The following FBXO40 variants were observed in gnomAD, a reference collection of about 807,000 sequenced individuals.
The protein encoded by FBXO40 is F-box only protein 40.
In FBXO40, 50 loss-of-function variants were observed where a neutral mutation model predicts 49.9. That is an observed-to-expected ratio of 1.00 (90% CI 0.80 to 1.27). The LOEUF (loss-of-function observed/expected upper bound fraction) is 1.27. Ranked by LOEUF, FBXO40 falls within the 50% of genes most tolerant of loss-of-function variation. FBXO40 has a pLI of 0.00. For missense variants in FBXO40, 895 were observed against 870.1 expected (o/e 1.03, Z -0.36); for synonymous variants, 340 against 320.2 (o/e 1.06, Z -0.66).
chr3:121,594,698 T>C (rs2048862865), intron 1 of FBXO40, among the ~76,000 whole-genome samples: 1 of 152,200 alleles, frequency 6.6e-6, no homozygotes, highest in Non-Finnish European at 1.5e-5. Flanking sequence ...GCCAACAATA[T>C]TCTCTAAGTG....
At chr3:121,620,958 C>A (rs2049026580) in intron 2 of FBXO40, among the ~76,000 whole-genome samples, 1 of 152,182 alleles carries the variant, frequency 6.6e-6, no homozygotes, top group Admixed American at 6.5e-5. Flanking sequence ...CCAGCCCGCA[C>A]TCTGGTGGTA....
intron 1 of FBXO40, among the ~76,000 whole-genome samples, chr3:121,615,658 A>C (rs1257274559): frequency 6.6e-6 from 1 of 152,190 alleles, no homozygotes; most frequent in East Asian, 1.9e-4. Flanking sequence ...TGCTCACTAA[A>C]GGTAGCAGCT....
chr3:121,623,150 C>A lies in FBXO40; in HGVS notation c.1721C>A (p.Thr574Asn), dbSNP rs1225905405. Residue 574 changes from threonine to asparagine, a missense_variant, in exon 3 of 4, where the codon ACC becomes AAC. Transcript: ENST00000338040. Reference protein sequence around the residue: ...GHGGKSQNSLTSLPLEILKYI... With the variant: ...GHGGKSQNSLNSLPLEILKYI... The stretch of plus-strand genomic sequence containing the variant: ...GGAGGAAAAAGCCAGAATTCTTTAA[C>A]CAGCCTGCCCCTGGAGATTTTGAAG... 1 of 1,614,084 alleles carries A rather than the reference C, an allele frequency of 6.2e-7. No homozygotes were observed. Among genetic ancestry groups the A allele is most frequent in the Non-Finnish European group, 8.5e-7 (1 of 1,180,044 alleles).
In FBXO40 at chr3:121,621,783, G is replaced by T; in HGVS notation, c.354G>T (p.Glu118Asp). The change falls in exon 3 of 4, where the codon GAG becomes GAT. Residue 118 changes from glutamate (E) to aspartate (D), a missense_variant. Coordinates refer to ENST00000338040, the MANE Select transcript of FBXO40 (RefSeq NM_016298.4). ...CCCTTCATGAAAACATCATGAAAGA[G>T]ACCCCCAGTGAGGAGTGTTTGGACA... is the stretch of plus-strand genomic sequence containing the variant. ...ETTLHENIMK[E>D]TPSEECLDTA... 1 of 1,614,216 alleles carries T rather than the reference G, an allele frequency of 6.2e-7. No homozygotes were observed. Among genetic ancestry groups the T allele is most frequent in the South Asian group, 1.1e-5 (1 of 91,072 alleles).
rs377295452 is a variant in FBXO40, at chr3:121,622,062, C to T, written c.633C>T (p.Asp211=). Residue 211 remains aspartate (D), a synonymous_variant, in exon 3 of 4, where the codon GAC becomes GAT. Transcript: ENST00000338040. The part of the protein sequence containing the change: ...EVLAKTKEGM[D]LVKFGQWENI... ...TAGCCAAAACCAAAGAAGGGATGGA[C>T]CTGGTCAAGTTTGGCCAGTGGGAAA... The T allele has an allele frequency of 6.2e-6, 10 of 1,614,016 alleles. No individual in the cohort carries two copies. The highest frequency in any genetic ancestry group is 8.5e-6 in the Non-Finnish European group (10 of 1,180,026).
rs1221562384 is a variant in FBXO40 at position 121,629,026 on chromosome 3, T to C, written c.*2116T>C. On this transcript the variant is annotated 3_prime_UTR_variant, in exon 4 of 4. Coordinates refer to ENST00000338040, the MANE Select transcript of FBXO40 (RefSeq NM_016298.4). ...TTGTAGGGAAGCAGAGGATAAAGAA[T>C]TTAGCCAACAAAAGAAACAATCTAG... The C allele has an allele frequency of 1.3e-5, 2 of 152,146 alleles. No homozygotes were observed. Among genetic ancestry groups the C allele is most frequent in the African/African-American group, 4.8e-5 (2 of 41,420 alleles). The allele number at this position is 152,146 out of a possible 1,614,324, so 9.4% of individuals were successfully genotyped here.
chr3:121,599,787 A>G (rs190047981), intron 1 of FBXO40, among the ~76,000 whole-genome samples: 4 of 147,468 alleles, frequency 2.7e-5, no homozygotes, highest in South Asian at 2.2e-4. Context: ...CAGTGGCACA[A>G]TCTCCACTCA....
chr3:121,630,047 A>G lies in FBXO40; in HGVS notation c.*3137A>G, dbSNP rs1354125266. The G allele has an allele frequency of 6.6e-6, 1 of 152,186 alleles. No individual in the cohort carries two copies. Among genetic ancestry groups the G allele is most frequent in the African/African-American group, 2.4e-5 (1 of 41,444 alleles). The allele number at this position is 152,186 out of a possible 1,614,324, so 9.4% of individuals were successfully genotyped here. A position where few individuals can be genotyped will look rare whatever the true frequency, so the allele number is the denominator to read the frequency against. On this transcript the variant is annotated 3_prime_UTR_variant, in exon 4 of 4. Coordinates refer to ENST00000338040, the MANE Select transcript of FBXO40 (RefSeq NM_016298.4). Reference sequence around the variant, plus strand: ...GGTCTGTAGAACTGGGCCAGAGAGGACCTTACTGCCTTAGTAGCATAAGGG... The same window carrying G: ...GGTCTGTAGAACTGGGCCAGAGAGGGCCTTACTGCCTTAGTAGCATAAGGG...
chr3:121,622,658 G>A lies in FBXO40; in HGVS notation c.1229G>A (p.Gly410Asp). The A allele has an allele frequency of 6.2e-7, 1 of 1,614,148 alleles. No individual in the cohort carries two copies. The highest frequency in any genetic ancestry group is 8.5e-7 in the Non-Finnish European group (1 of 1,180,016). The part of the protein sequence containing the change: ...LQCALERELK[G>D]HVISESRSID... ...TGTGCTTTGGAAAGAGAACTCAAAG[G>A]CCACGTCATCTCTGAATCCAGAAGC... The change falls in exon 3 of 4, where the codon GGC becomes GAC. Residue 410 changes from glycine to aspartate, a missense_variant. Gly to Asp is a moderately conservative substitution (Grantham distance 94, BLOSUM62 -1). Transcript: ENST00000338040.
chr3:121,623,404 G>A, intron 3 of FBXO40, 61 bp downstream of exon 3: 1 of 1,428,130 alleles, frequency 7.0e-7, no homozygotes, highest in Admixed American at 2.0e-5. Flanking sequence ...ATTTTTTATA[G>A]ACAGGTTCTC....
At chr3:121,612,512 G>A in intron 1 of FBXO40, among the ~76,000 whole-genome samples, 1 of 152,162 alleles carries the variant, frequency 6.6e-6, no homozygotes, top group East Asian at 1.9e-4. Flanking sequence ...GGGGAAGCCT[G>A]GGATTAGGAG....
rs1560132557 is a variant in FBXO40 at position 121,622,149 on chromosome 3, C to A, written c.720C>A (p.Ser240Arg). The change falls in exon 3 of 4, where the codon AGC becomes AGA. Residue 240 changes from serine (S) to arginine (R), a missense_variant. By Grantham distance (110) the Ser-to-Arg change is moderately radical. Coordinates refer to ENST00000338040, the MANE Select transcript of FBXO40 (RefSeq NM_016298.4). ...CAAATTCATCAGCGAGCTGTGAGAG[C>A]AAGAACAAGAATGACTCCGAGAAAG... ...ALTNSSASCESKNKNDSEKEQ... is the reference protein window; with the variant it reads ...ALTNSSASCERKNKNDSEKEQ... 6.2e-7 allele frequency: 1 copy of A among 1,614,114 alleles called. No homozygotes were observed. Among genetic ancestry groups the A allele is most frequent in the Non-Finnish European group, 8.5e-7 (1 of 1,180,020 alleles).
intron 3 of FBXO40, among the ~76,000 whole-genome samples, chr3:121,624,757 C>A (rs146296772): frequency 1.3e-5 from 2 of 152,116 alleles, no homozygotes; most frequent in African/African-American, 4.8e-5. Flanking sequence ...TGGGATCCAA[C>A]GACCTTCCTT....
chr3:121,600,997 A>C (rs1020871939), intron 1 of FBXO40, among the ~76,000 whole-genome samples: 1 of 151,996 alleles, frequency 6.6e-6, no homozygotes, highest in Non-Finnish European at 1.5e-5. Flanking sequence ...TAATTTGATC[A>C]TTTTGGGGCA....
intron 1 of FBXO40, among the ~76,000 whole-genome samples, chr3:121,599,776 G>T (rs1459524611): frequency 3.4e-5 from 5 of 147,192 alleles, no homozygotes; most frequent in African/African-American, 1.3e-4. Context: ...AGGCTGGAGT[G>T]CAGTGGCACA....
At position 121,627,137 on chromosome 3, in the gene FBXO40, T is replaced by A; in HGVS notation, c.*227T>A. ...TTGATGACTTGTTTCCTTTTTTCTT[T>A]TCTTTTCTTTTCTTTTTTCTTTCTT... On this transcript the variant is annotated 3_prime_UTR_variant, in exon 4 of 4. Coordinates refer to ENST00000338040, the MANE Select transcript of FBXO40 (RefSeq NM_016298.4). 1.9e-6 allele frequency: 1 copy of A among 527,810 alleles called. No homozygotes were observed. The highest frequency in any genetic ancestry group is 3.4e-6 in the Non-Finnish European group (1 of 295,562). The allele number at this position is 527,810 out of a possible 1,614,324, so 32.7% of individuals were successfully genotyped here.
Position 121,621,193 on chromosome 3 carries a change from C to A in FBXO40, c.4-240C>A, listed in dbSNP as rs570715388. 3.3e-5 allele frequency among the ~76,000 whole-genome samples: 5 copies of A among 152,298 alleles called. No individual in the cohort carries two copies. The East Asian group carries it at 7.7e-4, about 23-fold the overall frequency. ...ACAGTGTAGTCCATTATATTCAATT[C>A]TTTTTTTCCTATTCTAAACACATCT... On this transcript the variant is annotated intron_variant, in intron 2 of 3. Transcript: ENST00000338040.
At position 121,626,995 on chromosome 3, in the gene FBXO40, C is replaced by G; in HGVS notation, c.*85C>G. 7.6e-7 allele frequency: 1 copy of G among 1,311,714 alleles called. No individual in the cohort carries two copies. The allele number at this position is 1,311,714 out of a possible 1,614,324, so 81.3% of individuals were successfully genotyped here. A position where few individuals can be genotyped will look rare whatever the true frequency, so the allele number is the denominator to read the frequency against. On this transcript the variant is annotated 3_prime_UTR_variant, in exon 4 of 4. Coordinates refer to ENST00000338040, the MANE Select transcript of FBXO40 (RefSeq NM_016298.4). ...GACAGAGTGTGTGGTTTTGAGGACT[C>G]CCTTCTGTAAACTGCCTATTTGCTT...
chr3:121,622,101 A>G lies in FBXO40; in HGVS notation c.672A>G (p.Lys224=), dbSNP rs2049035005. 6.2e-7 allele frequency: 1 copy of G among 1,614,108 alleles called. No homozygotes were observed. Among genetic ancestry groups the G allele is most frequent in the Non-Finnish European group, 8.5e-7 (1 of 1,180,060 alleles). ...GCCAGTGGGAAAATATTTTCAGCAA[A>G]GAGCACGCAGCCTCTGCTTTAACAA... ...KFGQWENIFS[K]EHAASALTNS... Residue 224 remains lysine (K), a synonymous_variant, in exon 3 of 4, where the codon AAA becomes AAG. Transcript: ENST00000338040.
Sources: allele counts gnomAD v4.1 joint callset (sites outside exome capture counted in the v4.1 genomes callset), GRCh38; gene constraint gnomAD v4.1.1; transcripts MANE v1.5; gene names NCBI Gene and HGNC (gene_info 2026-07-23, HGNC 2026-07-21).